The following KCTD8 variants were observed in gnomAD, a reference collection of about 807,000 sequenced individuals.
KCTD8 encodes potassium channel tetramerization domain containing 8, also known as BTB/POZ domain-containing protein KCTD8.
In KCTD8, 27 loss-of-function variants were observed where a neutral mutation model predicts 31.5. The ratio of observed to expected loss-of-function variants is 0.86; its 90% CI spans 0.63 to 1.18. The LOEUF is 1.18. KCTD8 is among the 50% of genes most tolerant of loss of function. KCTD8 has a pLI of 0.00. For synonymous variants in KCTD8, 290 were observed against 280.0 expected, an observed-to-expected ratio of 1.04 and a Z score of -0.36; for missense variants, 658 against 647.7, an observed-to-expected ratio of 1.02 and a Z score of -0.17.
intron 1 of KCTD8, among the ~76,000 whole-genome samples, chr4:44,269,589 C>T (rs1402414351): frequency 6.6e-6 from 1 of 152,102 alleles, no homozygotes; most frequent in South Asian, 2.1e-4. Context: ...AAACTACCAT[C>T]AGAGTGAACA....
intron 1 of KCTD8, among the ~76,000 whole-genome samples, chr4:44,211,918 CT>C (rs1431808323): frequency 2.6e-5 from 4 of 150,950 alleles, no homozygotes; most frequent in African/African-American, 9.7e-5. Context: ...GTATTTTTAC[CT>C]TTCTGGAAAA....
rs909655539 is a variant in KCTD8, at chr4:44,447,683, C to A, written c.841G>T (p.Asp281Tyr). ...TGGAAGCCGGCCTCGGACAGGCGAT[C>A]AAAGGCCTGCTCCAAGTAGGTGAAC... is the stretch of plus-strand genomic sequence containing the variant. ...LKFTYLEQAF[D>Y]RLSEAGFHMV... is the part of the protein sequence containing the mutation. Residue 281 changes from aspartate to tyrosine, a missense_variant, in exon 1 of 2, where the codon GAT becomes TAT. Physicochemically the swap from Asp to Tyr is radical, Grantham distance 160. Transcript: ENST00000360029. 6.8e-6 allele frequency: 11 copies of A among 1,612,410 alleles called. No individual in the cohort carries two copies. In the Admixed American group the frequency reaches 8.4e-5, roughly 12 times the overall value.
chr4:44,240,635 C>T (rs1441153346), intron 1 of KCTD8, among the ~76,000 whole-genome samples: 1 of 152,036 alleles, frequency 6.6e-6, no homozygotes, highest in Non-Finnish European at 1.5e-5. Flanking sequence ...CACCATGCCC[C>T]GCATGTTTTT....
intron 1 of KCTD8, among the ~76,000 whole-genome samples, chr4:44,323,505 C>CT (rs1457987715): frequency 7.5e-6 from 1 of 132,658 alleles, no homozygotes; most frequent in African/African-American, 2.8e-5. Context: ...CACCCACCCC[C>CT]CCCCAAAAAA....
At chr4:44,361,169 C>A (rs2109430356) in intron 1 of KCTD8, among the ~76,000 whole-genome samples, 1 of 151,550 alleles carries the variant, frequency 6.6e-6, no homozygotes, top group Non-Finnish European at 1.5e-5. Flanking sequence ...TTGTAAAGAT[C>A]CTTATTTTAC....
At chr4:44,182,549 C>T (rs887000618) in intron 1 of KCTD8, among the ~76,000 whole-genome samples, 19 of 152,098 alleles carry the variant, frequency 1.2e-4, no homozygotes, top group African/African-American at 1.7e-4. Context: ...GGATTAAGGG[C>T]GGTGCAAGAT....
intron 1 of KCTD8, among the ~76,000 whole-genome samples, chr4:44,300,878 C>A (rs942348073): frequency 7.7e-6 from 1 of 129,948 alleles, no homozygotes; most frequent in African/African-American, 2.9e-5. Context: ...CCCCCCACCC[C>A]ACAACAGTCC....
rs140904168 is a variant in KCTD8 at position 44,208,060 on chromosome 4, T to C, written c.962-32810A>G. 7.0e-3 allele frequency among the ~76,000 whole-genome samples: 1,068 copies of C among 152,304 alleles called. 18 individuals carry two copies. The highest frequency in any genetic ancestry group is 0.024 in the African/African-American group (1,003 of 41,576). Reference sequence around the variant, plus strand: ...GTGCTGAAGAAATTCCAGGAGATTGTGATAGGCTAAGAAACCCTATGTCCA... The same window carrying C: ...GTGCTGAAGAAATTCCAGGAGATTGCGATAGGCTAAGAAACCCTATGTCCA... On this transcript the variant is annotated intron_variant, in intron 1 of 1. Coordinates refer to ENST00000360029, the MANE Select transcript of KCTD8 (RefSeq NM_198353.3).
At chr4:44,247,107 T>G (rs950230091) in intron 1 of KCTD8, among the ~76,000 whole-genome samples, 2 of 152,048 alleles carry the variant, frequency 1.3e-5, no homozygotes, top group African/African-American at 4.8e-5. Flanking sequence ...AGCTGGTCAT[T>G]GTCACCACCT....
chr4:44,177,029 A>T (rs1713237996), intron 1 of KCTD8, among the ~76,000 whole-genome samples: 1 of 152,156 alleles, frequency 6.6e-6, no homozygotes, highest in Non-Finnish European at 1.5e-5. Context: ...TTTGCAACCA[A>T]ATATTTAAAA....
At chr4:44,366,158 G>A (rs987057952) in intron 1 of KCTD8, among the ~76,000 whole-genome samples, 3 of 151,276 alleles carry the variant, frequency 2.0e-5, no homozygotes, top group South Asian at 2.1e-4. Context: ...TGTACGACTA[G>A]AAAAAAAAAT....
chr4:44,218,331 G>A (rs369967781), intron 1 of KCTD8, among the ~76,000 whole-genome samples: 7 of 150,680 alleles, frequency 4.6e-5, no homozygotes, highest in Non-Finnish European at 1.0e-4. Context: ...ACAGGGTTTC[G>A]CCACATTGGC....
chr4:44,175,173 C>T lies in KCTD8; in HGVS notation c.1039G>A (p.Glu347Lys). The change falls in exon 2 of 2, where the codon GAA becomes AAA. Residue 347 changes from glutamate (E) to lysine (K), a missense_variant. Physicochemically the swap from Glu to Lys is moderately conservative, Grantham distance 56. Coordinates refer to ENST00000360029, the MANE Select transcript of KCTD8 (RefSeq NM_198353.3). ...KHDKVTDKGS[E>K]SGTSCNELST... The stretch of plus-strand genomic sequence containing the variant: ...AGCTCATTACAGGAAGTCCCACTTT[C>T]ACTTCCTTTATCAGTGACTTTGTCA... 1.2e-6 allele frequency: 2 copies of T among 1,613,046 alleles called. No individual in the cohort carries two copies. The highest frequency in any genetic ancestry group is 2.2e-5 in the East Asian group (1 of 44,860).
At position 44,243,446 on chromosome 4, in the gene KCTD8, C is replaced by T. The variant is rs191848437; in HGVS notation, c.962-68196G>A. ...GTAAGATGAATACTTCCATTAATTC[C>T]TCTACCTCTGAGACTATATGCATAC... On this transcript the variant is annotated intron_variant, in intron 1 of 1. Coordinates refer to ENST00000360029, the MANE Select transcript of KCTD8 (RefSeq NM_198353.3). Among the ~76,000 whole-genome samples the T allele has an allele frequency of 4.6e-5, 7 of 152,252 alleles. No individual in the cohort carries two copies. The East Asian group carries it at 1.4e-3, about 29-fold the overall frequency.
intron 1 of KCTD8, among the ~76,000 whole-genome samples, chr4:44,255,587 T>C (rs1049054031): frequency 6.6e-6 from 1 of 151,890 alleles, no homozygotes; most frequent in Admixed American, 6.6e-5. Context: ...CATGTCCCTA[T>C]GTCAGTAATT....
chr4:44,317,224 C>G (rs1223117698), intron 1 of KCTD8, among the ~76,000 whole-genome samples: 1 of 55,798 alleles, frequency 1.8e-5, no homozygotes, highest in East Asian at 5.4e-4. Context: ...CCTATGGGTG[C>G]TTTCTTTTTT....
intron 1 of KCTD8, among the ~76,000 whole-genome samples, chr4:44,373,359 CAA>C (rs1048818211): frequency 1.5e-5 from 2 of 135,422 alleles, no homozygotes; most frequent in South Asian, 2.3e-4. Context: ...GACTCTGTCT[CAA>C]AAAAAAAAAG....
chr4:44,215,310 A>G (rs566915980), intron 1 of KCTD8, among the ~76,000 whole-genome samples: 131 of 152,270 alleles, frequency 8.6e-4, no homozygotes, highest in African/African-American at 2.9e-3. Context: ...TTACAAAAAT[A>G]TGGTTCATTT....
intron 1 of KCTD8, among the ~76,000 whole-genome samples, chr4:44,241,393 A>G (rs1386359575): frequency 6.6e-6 from 1 of 152,240 alleles, no homozygotes; most frequent in Non-Finnish European, 1.5e-5. Context: ...AAGATTACAA[A>G]CACACACCTG....
Sources: allele counts gnomAD v4.1 joint callset (sites outside exome capture counted in the v4.1 genomes callset), GRCh38; gene constraint gnomAD v4.1.1; transcripts MANE v1.5; gene names NCBI Gene and HGNC (gene_info 2026-07-23, HGNC 2026-07-21).